HELZ2: variants seen among roughly 807,000 people sequenced by gnomAD.
HELZ2 encodes the protein 3'-5' exoribonuclease HELZ2.
Under a neutral mutation model 208.8 loss-of-function variants are expected in HELZ2, and 143 were observed. The observed-to-expected ratio is 0.68, with a 90% CI of 0.60 to 0.79. HELZ2 has a LOEUF of 0.79. Ranked by LOEUF, HELZ2 falls within the 30% of genes least tolerant of loss-of-function variation. The pLI is 0.00. For synonymous variants in HELZ2, 1,705 were observed against 1,693.7 expected (o/e 1.01, Z -0.16); for missense variants, 3,690 against 3,794.5 (o/e 0.97, Z 0.72).
chr20:63,560,959 A>G, intron 14 of HELZ2, 30 bp from the exon 16 acceptor site: 1 of 1,605,534 alleles, frequency 6.2e-7, no homozygotes, highest in African/African-American at 1.3e-5. Flanking sequence ...TGGCCCTGAC[A>G]CCCCTAGACC....
chr20:63,567,204 G>A lies in HELZ2; in HGVS notation c.2154C>T (p.His718=), dbSNP rs373486998. The A allele has an allele frequency of 8.1e-6, 13 of 1,607,712 alleles. No homozygotes were observed. The Admixed American group carries it at 8.3e-5, about 10-fold the overall frequency. Reference sequence around the variant, plus strand: ...CCTGCTGGTAGCACAGGAAGAGGCGGTGCAGCAGCGTGTGCTCGGCCGCCC... The same window carrying A: ...CCTGCTGGTAGCACAGGAAGAGGCGATGCAGCAGCGTGTGCTCGGCCGCCC... The change falls in exon 6 of 19, where the codon CAC becomes CAT. Residue 718 remains histidine, a synonymous_variant. Coordinates refer to ENST00000467148, the Ensembl canonical transcript of HELZ2.
exon 9 of HELZ2, chr20:63,562,319 C>A: frequency 6.3e-7 from 1 of 1,598,632 alleles, no homozygotes; most frequent in East Asian, 2.2e-5. Context: ...CAGGCCGGCC[C>A]AGTGCGATGC....
intron 5 of HELZ2, chr20:63,568,149 C>T (rs1600981801): frequency 1.5e-5 from 9 of 590,522 alleles, no homozygotes; most frequent in Admixed American, 3.2e-5. Context: ...GCCAGGGCCC[C>T]GGCAGAGGCA....
At chr20:63,570,647 A>AGGGCCCC in intron 2 of HELZ2, 36 bp from the exon 4 acceptor site, 1 of 1,497,362 alleles carries the variant, frequency 6.7e-7, no homozygotes, top group Non-Finnish European at 9.2e-7. Flanking sequence ...AGAGGCCTGG[A>AGGGCCCC]CCCCACCCCA....
At chr20:63,563,537 C>A (rs748204612) in exon 8 of HELZ2, 3 of 1,513,558 alleles carry the variant, frequency 2.0e-6, no homozygotes, top group East Asian at 2.4e-5. Context: ...CAGCGTCTCC[C>A]GGTTGCTGGG....
exon 8 of HELZ2, chr20:63,565,609 G>C: frequency 6.2e-7 from 1 of 1,610,226 alleles, no homozygotes; most frequent in Non-Finnish European, 8.5e-7. Context: ...GGATGGCGTC[G>C]TCAGCGTTGA....
upstream of HELZ2, chr20:63,572,550 G>A (rs1229573331): frequency 1.4e-6 from 1 of 702,406 alleles, no homozygotes; most frequent in African/African-American, 1.8e-5. Flanking sequence ...TGGGCCAGGA[G>A]GGAGGGGCAG....
Position 63,568,667 on chromosome 20 carries a change from T to C in HELZ2, c.1421A>G (p.Asp474Gly), listed in dbSNP as rs1158986574. The C allele has an allele frequency of 2.5e-6, 4 of 1,605,248 alleles. No individual in the cohort carries two copies. The African/African-American group carries it at 5.3e-5, about 21-fold the overall frequency. The stretch of plus-strand genomic sequence containing the variant: ...GTGCCAGAGGCGGAAGGTCATCGGG[T>C]CAATCTGGAACTGCACCTCCAGGAC... The change falls in exon 5 of 19, where the codon GAC (aspartate) becomes GGC (glycine). Residue 474 changes from aspartate (D) to glycine (G), a missense_variant. By Grantham distance (94) the Asp-to-Gly change is moderately conservative. Around this residue, in one of 3 missense-constraint regions of HELZ2, gnomAD observed 1,119 missense variants for 1,193.4 expected, o/e 0.94. Transcript: ENST00000467148.
chr20:63,566,248 G>A lies in HELZ2; in HGVS notation c.2591-17C>T. The A allele has an allele frequency of 6.7e-7, 1 of 1,484,610 alleles. No homozygotes were observed. The highest frequency in any genetic ancestry group is 2.5e-5 in the East Asian group (1 of 40,512). 92.0% of individuals were successfully genotyped at this position (1,484,610 alleles called of 1,614,324 possible). ...ACTGCCGCCCTGCAGGGGGCACGCA[G>A]TCAGGTCAGGCTGGGTGCGCAAGAC... On this transcript the variant is annotated splice_polypyrimidine_tract_variant and intron_variant, in intron 7 of 18. Transcript: ENST00000467148.
exon 1 of HELZ2, chr20:63,572,141 G>A: frequency 6.2e-7 from 1 of 1,611,496 alleles, no homozygotes; most frequent in South Asian, 1.1e-5. Flanking sequence ...GAGTCCCGGG[G>A]GTGGGGAACG....
exon 5 of HELZ2, chr20:63,568,467 G>A (rs1337466389): frequency 6.3e-7 from 1 of 1,595,708 alleles, no homozygotes; most frequent in Non-Finnish European, 8.5e-7. Flanking sequence ...CCATAGATGA[G>A]TAGCGGGGGG....
At chr20:63,564,392 G>A in exon 8 of HELZ2, 1 of 1,548,712 alleles carries the variant, frequency 6.5e-7, no homozygotes, top group Non-Finnish European at 8.7e-7. Flanking sequence ...GTCCAGGCGG[G>A]CCGGCAGCTC....
chr20:63,567,603 C>T (rs773359346), exon 6 of HELZ2: 4 of 1,600,672 alleles, frequency 2.5e-6, no homozygotes, highest in Non-Finnish European at 8.5e-7. Context: ...TGTGGAAATA[C>T]TCCCGGATGT....
rs1268397111 is a variant in HELZ2 at position 63,567,591 on chromosome 20, G to A, written c.1767C>T (p.Ser589=). ...CCTCGGGGTGGCCGCCGCTGACGTG[G>A]CTGTGGAAATACTCCCGGATGTAGA... Residue 589 remains serine (S), a synonymous_variant, in exon 6 of 19, where the codon AGC becomes AGT. Coordinates refer to ENST00000467148, the Ensembl canonical transcript of HELZ2. The A allele has an allele frequency of 5.6e-6, 9 of 1,598,042 alleles. No homozygotes were observed. In the South Asian group the frequency reaches 9.0e-5, roughly 16 times the overall value.
chr20:63,562,825 G>A (rs150137145), exon 8 of HELZ2: 29 of 1,610,408 alleles, frequency 1.8e-5, no homozygotes, highest in Admixed American at 5.0e-5. Context: ...AGTTGATGTC[G>A]GCACAGTTCT....
chr20:63,563,570 G>A, exon 8 of HELZ2: 1 of 1,525,224 alleles, frequency 6.6e-7, no homozygotes, highest in South Asian at 1.2e-5. Flanking sequence ...GAAGCAGCGG[G>A]AGCCCGCCTC....
At chr20:63,572,367 C>G (rs751536565) in exon 1 of HELZ2, 1 of 1,547,782 alleles carries the variant, frequency 6.5e-7, no homozygotes, top group South Asian at 1.2e-5. Context: ...CCCAGCTGCT[C>G]GGCCTCCCAC....
At chr20:63,561,575 C>T (rs2082887148) in intron 12 of HELZ2, 26 bp downstream of exon 13, 1 of 1,588,148 alleles carries the variant, frequency 6.3e-7, no homozygotes, top group South Asian at 1.2e-5. Flanking sequence ...CCCACTCCGC[C>T]CAAGCCCCAA....
chr20:63,571,974 C>A, intron 1 of HELZ2, 134 bp downstream of exon 2: 2 of 1,026,270 alleles, frequency 1.9e-6, no homozygotes, highest in Non-Finnish European at 1.4e-6. Context: ...GGCTCCTGCC[C>A]TACTCCAAGC....
Sources: allele counts gnomAD v4.1 joint callset, GRCh38; gene constraint gnomAD v4.1.1; regional missense constraint gnomAD v4.1.1; transcripts MANE v1.5; gene names NCBI Gene and HGNC (gene_info 2026-07-23, HGNC 2026-07-21).